The following GRAMD2B variants were observed in gnomAD, a reference collection of about 807,000 sequenced individuals.
The protein encoded by GRAMD2B is GRAM domain containing 2B, also known as GRAM domain-containing protein 2B.
Under a neutral mutation model 59.2 loss-of-function variants are expected in GRAMD2B, and 41 were observed. The ratio of observed to expected loss-of-function variants is 0.69; its 90% CI spans 0.54 to 0.90. GRAMD2B has a LOEUF of 0.90. GRAMD2B is among the 40% of genes least tolerant of loss of function. GRAMD2B has a pLI of 0.00. For synonymous variants in GRAMD2B, 161 were observed against 182.7 expected (o/e 0.88, Z 0.96); for missense variants, 424 against 500.5 (o/e 0.85, Z 1.46).
intron 4 of GRAMD2B, 105 bp downstream of exon 4, chr5:126,472,409 A>T: frequency 1.2e-6 from 1 of 803,640 alleles, no homozygotes; most frequent in South Asian, 1.6e-5. Context: ...CACCAAGGGG[A>T]TCAGGTTTCT....
intron 1 of GRAMD2B, among the ~76,000 whole-genome samples, chr5:126,424,237 G>A (rs962298843): frequency 1.3e-5 from 2 of 152,154 alleles, no homozygotes; most frequent in East Asian, 1.9e-4. Flanking sequence ...AAAGAGTTTA[G>A]CCTATAATTG....
chr5:126,492,770 T>A, intron 13 of GRAMD2B, 145 bp from the exon 14 acceptor site: 1 of 556,640 alleles, frequency 1.8e-6, no homozygotes, highest in Non-Finnish European at 3.2e-6. Flanking sequence ...TGAAAAAGCA[T>A]CTATTTGCCT....
chr5:126,450,905 G>A (rs192086494), intron 1 of GRAMD2B, among the ~76,000 whole-genome samples: 406 of 152,338 alleles, frequency 2.7e-3, no homozygotes, highest in African/African-American at 8.7e-3. Flanking sequence ...GAAGCCTGTC[G>A]CGCGGCGTAG....
In GRAMD2B at chr5:126,426,701, A is replaced by G. The variant is rs192830763; in HGVS notation, c.83+3012A>G. ...ACCCCAGACCCAGTAGTTAAGATAT[A>G]TACTGTAATACGCTTGTAGCTGACA... is the stretch of plus-strand genomic sequence containing the variant. On this transcript the variant is annotated intron_variant, in intron 1 of 13. Coordinates refer to ENST00000285689, the MANE Select transcript of GRAMD2B (RefSeq NM_023927.4). Among the ~76,000 whole-genome samples, 3 of 152,334 alleles carry G rather than the reference A, an allele frequency of 2.0e-5. No individual in the cohort carries two copies. The East Asian group carries it at 5.8e-4, about 29-fold the overall frequency.
At chr5:126,400,897 C>A (rs1348158809) in intron 1 of GRAMD2B, among the ~76,000 whole-genome samples, 2 of 152,072 alleles carry the variant, frequency 1.3e-5, no homozygotes, top group Non-Finnish European at 2.9e-5. Context: ...GACTTTTGAT[C>A]ATAATGTGTC....
chr5:126,440,183 C>A (rs1230759311), intron 1 of GRAMD2B, among the ~76,000 whole-genome samples: 1 of 152,022 alleles, frequency 6.6e-6, no homozygotes, highest in Non-Finnish European at 1.5e-5. Context: ...ACCCAGAAAT[C>A]GATTTAATAA....
chr5:126,466,993 A>C (rs79065095), intron 2 of GRAMD2B, among the ~76,000 whole-genome samples: 7,641 of 152,182 alleles, frequency 0.05, 405 homozygotes, highest in African/African-American at 0.14. Context: ...ATGCTTAATA[A>C]TTTTTATGTA....
At chr5:126,387,717 C>G (rs939579629) in intron 1 of GRAMD2B, among the ~76,000 whole-genome samples, 2 of 151,924 alleles carry the variant, frequency 1.3e-5, no homozygotes, top group South Asian at 4.2e-4. Flanking sequence ...AAATTGTAAA[C>G]AGAATTTTGT....
At chr5:126,363,829 G>A (rs1754325954) in intron 1 of GRAMD2B, among the ~76,000 whole-genome samples, 1 of 152,164 alleles carries the variant, frequency 6.6e-6, no homozygotes, top group African/African-American at 2.4e-5. Flanking sequence ...GGAAAATAGG[G>A]AGGATGGGCA....
At chr5:126,441,472 T>C (rs1411107906) in intron 1 of GRAMD2B, among the ~76,000 whole-genome samples, 3 of 152,242 alleles carry the variant, frequency 2.0e-5, no homozygotes, top group Admixed American at 2.0e-4. Flanking sequence ...TTTGTCACCT[T>C]CACACTGTTT....
At chr5:126,434,520 A>AT (rs1466237888) in intron 1 of GRAMD2B, among the ~76,000 whole-genome samples, 1 of 150,482 alleles carries the variant, frequency 6.6e-6, no homozygotes, top group African/African-American at 2.5e-5. Context: ...TTTTATTTTT[A>AT]TTTTTATTTT....
At chr5:126,475,499 C>T (rs1698534624) in intron 5 of GRAMD2B, among the ~76,000 whole-genome samples, 1 of 152,140 alleles carries the variant, frequency 6.6e-6, no homozygotes, top group African/African-American at 2.4e-5. Flanking sequence ...TTCTGAATTG[C>T]CTCCTCCCTT....
intron 1 of GRAMD2B, among the ~76,000 whole-genome samples, chr5:126,447,496 A>G (rs1470902917): frequency 6.6e-6 from 1 of 152,050 alleles, no homozygotes; most frequent in East Asian, 1.9e-4. Flanking sequence ...CCCCGTCTCT[A>G]CTAAAAAAAT....
exon 1 of GRAMD2B, chr5:126,360,140 A>T: frequency 1.7e-6 from 1 of 577,580 alleles, no homozygotes; most frequent in African/African-American, 1.9e-5. Context: ...TTTCTCACAC[A>T]TGTGGGTTTC....
chr5:126,417,498 C>T (rs1054416388), intron 1 of GRAMD2B, among the ~76,000 whole-genome samples: 15 of 152,208 alleles, frequency 9.9e-5, no homozygotes, highest in African/African-American at 3.6e-4. Context: ...GCACATCCAG[C>T]TTAGCTGAGT....
intron 13 of GRAMD2B, among the ~76,000 whole-genome samples, chr5:126,490,966 A>G (rs1356280038): frequency 6.6e-6 from 1 of 152,088 alleles, no homozygotes; most frequent in East Asian, 1.9e-4. Flanking sequence ...ATGTCTCCTC[A>G]AAGTTTCTTC....
At chr5:126,368,767 G>C (rs572933552), upstream of GRAMD2B, among the ~76,000 whole-genome samples, 14 of 152,250 alleles carry the variant, frequency 9.2e-5, no homozygotes, top group African/African-American at 3.1e-4. Context: ...CTTATAATAA[G>C]GATTAACTCA....
intron 13 of GRAMD2B, among the ~76,000 whole-genome samples, chr5:126,489,705 A>G (rs2126977204): frequency 6.6e-6 from 1 of 152,314 alleles, no homozygotes; most frequent in Non-Finnish European, 1.5e-5. Flanking sequence ...TGCCAGAAAT[A>G]TCCCAGAAAT....
chr5:126,390,437 G>A (rs1474224846), intron 1 of GRAMD2B, among the ~76,000 whole-genome samples: 2 of 152,192 alleles, frequency 1.3e-5, no homozygotes, highest in African/African-American at 4.8e-5. Flanking sequence ...ATTAATTAAT[G>A]ATAAATAATA....
Sources: allele counts gnomAD v4.1 joint callset (sites outside exome capture counted in the v4.1 genomes callset), GRCh38; gene constraint gnomAD v4.1.1; transcripts MANE v1.5; gene names NCBI Gene and HGNC (gene_info 2026-07-23, HGNC 2026-07-21).